The following MED13L variants were observed in gnomAD, a reference collection of about 807,000 sequenced individuals.
MED13L encodes the protein mediator of RNA polymerase II transcription subunit 13-like.
In MED13L, 7 loss-of-function variants were observed where a neutral mutation model predicts 220.9. That is an observed-to-expected ratio of 0.03 (90% CI 0.02 to 0.06). The LOEUF is 0.06. Ranked by LOEUF, MED13L falls within the 10% of genes least tolerant of loss-of-function variation. The probability of loss-of-function intolerance (pLI) is 1.00; values close to 1 mark genes in which losing one functional copy is unlikely to be tolerated. For synonymous variants in MED13L, 1,011 were observed against 1,015.2 expected, an observed-to-expected ratio of 1.00 and a Z score of 0.08; for missense variants, 1,965 against 2,760.5, an observed-to-expected ratio of 0.71 and a Z score of 6.46.
chr12:116,054,478 T>C (rs1310538031), intron 4 of MED13L, among the ~76,000 whole-genome samples: 1 of 152,222 alleles, frequency 6.6e-6, no homozygotes, highest in Non-Finnish European at 1.5e-5. Context: ...GTACCTACTA[T>C]TTAGAACTCC....
At chr12:116,129,625 C>T (rs1875889741) in intron 2 of MED13L, among the ~76,000 whole-genome samples, 1 of 150,638 alleles carries the variant, frequency 6.6e-6, no homozygotes, top group Non-Finnish European at 1.5e-5. Context: ...ATGATCAGCA[C>T]AGGCCGGGCA....
intron 1 of MED13L, among the ~76,000 whole-genome samples, chr12:116,262,620 C>G (rs1017556761): frequency 2.6e-5 from 4 of 152,190 alleles, no homozygotes; most frequent in Non-Finnish European, 5.9e-5. Flanking sequence ...ACCACTAACA[C>G]AAGCTACTCA....
chr12:116,210,606 C>A (rs1430706290), intron 2 of MED13L, among the ~76,000 whole-genome samples: 1 of 136,254 alleles, frequency 7.3e-6, no homozygotes, highest in African/African-American at 2.8e-5. Context: ...TATCAGAGAG[C>A]CCTAAAATCC....
At chr12:116,170,878 G>A (rs1020987682) in intron 2 of MED13L, among the ~76,000 whole-genome samples, 15 of 152,114 alleles carry the variant, frequency 9.9e-5, no homozygotes, top group Admixed American at 8.5e-4. Flanking sequence ...TGGGATTACA[G>A]GGCATGAGCT....
chr12:116,029,727 A>G (rs1880614358), intron 4 of MED13L, among the ~76,000 whole-genome samples: 1 of 152,218 alleles, frequency 6.6e-6, no homozygotes, highest in Admixed American at 6.5e-5. Flanking sequence ...GGTATGCAAT[A>G]CAGCTCAGAA....
chr12:116,202,491 C>G (rs1431233867), intron 2 of MED13L, among the ~76,000 whole-genome samples: 1 of 152,050 alleles, frequency 6.6e-6, no homozygotes, highest in East Asian at 1.9e-4. Context: ...ACTGTATCTA[C>G]TCAAATATTA....
In MED13L at chr12:116,210,135, G is replaced by A. The variant is rs555019259; in HGVS notation, c.310+27333C>T. Among the ~76,000 whole-genome samples, 84 of 152,226 alleles carry A rather than the reference G, an allele frequency of 5.5e-4. 3 individuals carry two copies. In the South Asian group the frequency reaches 0.017, roughly 31 times the overall value. On this transcript the variant is annotated intron_variant, in intron 2 of 30. Transcript: ENST00000281928. ...TTGTGGGAAAGGGGCAGGCAGAAAA[G>A]TCTTAATGGTTATACTCAGTTAGCA...
chr12:115,967,072 G>A (rs1166602658), intron 28 of MED13L, among the ~76,000 whole-genome samples: 3 of 149,432 alleles, frequency 2.0e-5, no homozygotes, highest in African/African-American at 7.4e-5. Context: ...TCAGGAGGCT[G>A]AGGCAGGAGA....
intron 2 of MED13L, 61 bp downstream of exon 2, chr12:116,237,407 T>C: frequency 3.1e-6 from 4 of 1,296,196 alleles, no homozygotes; most frequent in South Asian, 2.4e-5. Flanking sequence ...CTGTTTGAAA[T>C]TTATCAATGT....
intron 4 of MED13L, among the ~76,000 whole-genome samples, chr12:116,068,701 C>G (rs1870139423): frequency 6.6e-6 from 1 of 152,106 alleles, no homozygotes; most frequent in Non-Finnish European, 1.5e-5. Context: ...TTCAGAATGT[C>G]AGTGTTTTAA....
At chr12:116,113,635 C>T (rs1036578482) in intron 2 of MED13L, among the ~76,000 whole-genome samples, 1 of 145,880 alleles carries the variant, frequency 6.9e-6, no homozygotes, top group Admixed American at 7.0e-5. Flanking sequence ...CTCCAGCCTG[C>T]GTGACAGAGT....
At chr12:116,197,373 A>G (rs928230917) in intron 2 of MED13L, among the ~76,000 whole-genome samples, 2 of 152,106 alleles carry the variant, frequency 1.3e-5, no homozygotes, top group African/African-American at 2.4e-5. Flanking sequence ...TCTCTGCTTT[A>G]TCTCGTTGTC....
intron 30 of MED13L, among the ~76,000 whole-genome samples, chr12:115,962,197 G>T (rs1201360268): frequency 6.6e-6 from 1 of 152,170 alleles, no homozygotes; most frequent in African/African-American, 2.4e-5. Context: ...TAGGGCAGCA[G>T]TCTCCAACCT....
At chr12:116,025,930 C>T (rs898720218) in intron 4 of MED13L, among the ~76,000 whole-genome samples, 3 of 152,064 alleles carry the variant, frequency 2.0e-5, no homozygotes, top group Non-Finnish European at 2.9e-5. Context: ...GATCATTACA[C>T]GCTGTATACA....
In MED13L at chr12:115,964,951, T is replaced by TTA. The variant is rs1306307449; in HGVS notation, c.6387+1130_6387+1131insTA. 3.9e-5 allele frequency among the ~76,000 whole-genome samples: 6 copies of TTA among 152,224 alleles called. No homozygotes were observed. The East Asian group carries it at 1.2e-3, about 29-fold the overall frequency. ...ACAGAGCTAAAAAAATGTGTATACTTTTTTAGAGAGGAAAAATAAATCTAT... is the reference window on the plus strand; with the variant it reads ...ACAGAGCTAAAAAAATGTGTATACTTTATTTTAGAGAGGAAAAATAAATCTAT... On this transcript the variant is annotated intron_variant, in intron 29 of 30. Transcript: ENST00000281928.
chr12:115,977,496 T>C (rs558545662), intron 23 of MED13L, among the ~76,000 whole-genome samples: 2 of 152,260 alleles, frequency 1.3e-5, no homozygotes, highest in Non-Finnish European at 2.9e-5. Context: ...CACAAAAACC[T>C]TGTACATATT....
At chr12:116,236,842 C>G (rs1870127466) in intron 2 of MED13L, 1 of 984,460 alleles carries the variant, frequency 1.0e-6, no homozygotes, top group African/African-American at 1.7e-5. Context: ...TTCCAGATAT[C>G]AGATGCAATC....
chr12:116,179,673 C>T (rs893267725), intron 2 of MED13L, among the ~76,000 whole-genome samples: 16 of 143,622 alleles, frequency 1.1e-4, no homozygotes, highest in African/African-American at 3.7e-4. Flanking sequence ...CATTCAGATA[C>T]CTGAGCAGTG....
At chr12:116,242,866 C>T (rs1426502217) in intron 1 of MED13L, among the ~76,000 whole-genome samples, 2 of 152,138 alleles carry the variant, frequency 1.3e-5, no homozygotes, top group East Asian at 3.8e-4. Context: ...TTCTGCCATG[C>T]TGCTTCATAA....
Sources: gnomAD v4.1 joint callset for allele counts (sites outside exome capture counted in the v4.1 genomes callset) on GRCh38, gnomAD v4.1.1 for gene constraint, MANE v1.5 for transcripts, NCBI Gene and HGNC (gene_info 2026-07-23, HGNC 2026-07-21) for gene names.